SEC14L1: variants seen among roughly 807,000 people sequenced by gnomAD.
SEC14L1 encodes SEC14 like lipid binding 1, also known as SEC14-like protein 1.
SEC14L1 carries 48 observed loss-of-function variants against 85.3 expected under a neutral mutation model. The observed-to-expected ratio is 0.56, with a 90% CI of 0.45 to 0.72. SEC14L1 has a LOEUF of 0.72. Among genes scored for constraint, SEC14L1 ranks in the 30% least tolerant of loss-of-function variants. The pLI, the probability that SEC14L1 is intolerant of heterozygous loss-of-function variation, is 0.00. For synonymous variants in SEC14L1, 391 were observed against 355.5 expected (o/e 1.10, Z -1.12); for missense variants, 682 against 921.4 (o/e 0.74, Z 3.36).
intron 3 of SEC14L1, among the ~76,000 whole-genome samples, chr17:77,164,065 C>A (rs1250803075): frequency 1.3e-5 from 2 of 152,128 alleles, no homozygotes; most frequent in Admixed American, 6.5e-5. Flanking sequence ...TGTTTATTGC[C>A]CACACTTACT....
At chr17:77,106,794 G>A (rs542879030) in intron 3 of SEC14L1, among the ~76,000 whole-genome samples, 46 of 152,200 alleles carry the variant, frequency 3.0e-4, no homozygotes, top group African/African-American at 9.9e-4. Flanking sequence ...CCCTGGTGGC[G>A]CCACTGCACT....
intron 3 of SEC14L1, among the ~76,000 whole-genome samples, chr17:77,116,979 G>C (rs1258732000): frequency 6.6e-6 from 1 of 152,190 alleles, no homozygotes; most frequent in African/African-American, 2.4e-5. Flanking sequence ...TTCATTTGCT[G>C]TAATTGGCTG....
chr17:77,154,889 G>A (rs1417721086), intron 3 of SEC14L1, among the ~76,000 whole-genome samples: 1 of 152,106 alleles, frequency 6.6e-6, no homozygotes, highest in Non-Finnish European at 1.5e-5. Flanking sequence ...TAGGGGTCCG[G>A]CCTTCCCCTT....
At chr17:77,140,309 G>A (rs946969242), upstream of SEC14L1, among the ~76,000 whole-genome samples, 1 of 152,210 alleles carries the variant, frequency 6.6e-6, no homozygotes, top group African/African-American at 2.4e-5. Context: ...CACTAGAGCC[G>A]TCTGGATGTG....
chr17:77,181,743 C>T (rs935525847), intron 3 of SEC14L1, among the ~76,000 whole-genome samples: 1 of 152,170 alleles, frequency 6.6e-6, no homozygotes, highest in Non-Finnish European at 1.5e-5. Flanking sequence ...TCTTGCCTCT[C>T]TAAATAAGCC....
rs1323628351 is a variant in SEC14L1 at position 77,211,942 on chromosome 17, T to C, written c.1612-8T>C. The C allele has an allele frequency of 6.2e-7, 1 of 1,613,004 alleles. No individual in the cohort carries two copies. Among genetic ancestry groups the C allele is most frequent in the South Asian group, 1.1e-5 (1 of 91,060 alleles). On this transcript the variant is annotated splice_region_variant and splice_polypyrimidine_tract_variant and intron_variant, in intron 14 of 16. Transcript: ENST00000436233. ...GATCGTGGCTGCCTAACGCTGCCTC[T>C]TTTTCAGATTCTCATTCAGATTGTG...
At chr17:77,118,376 C>T (rs1208912452) in intron 3 of SEC14L1, among the ~76,000 whole-genome samples, 1 of 152,194 alleles carries the variant, frequency 6.6e-6, no homozygotes, top group East Asian at 1.9e-4. Flanking sequence ...TTACCACCTT[C>T]GTTCAGTAGG....
At chr17:77,108,092 A>C (rs1971958681) in intron 3 of SEC14L1, among the ~76,000 whole-genome samples, 1 of 149,924 alleles carries the variant, frequency 6.7e-6, no homozygotes. Flanking sequence ...ATGCCCCCCC[A>C]TACCATGCGC....
Position 77,203,586 on chromosome 17 carries a change from C to T in SEC14L1, c.1026C>T (p.Tyr342=), listed in dbSNP as rs140813836. The part of the protein sequence containing the change: ...HHHDKDGRPL[Y]VLRLGQMDTK... Reference sequence around the variant, plus strand: ...CCTCTGCAGATGGGCGGCCCCTCTACGTGCTCAGGCTGGGGCAGATGGACA... The same window carrying T: ...CCTCTGCAGATGGGCGGCCCCTCTATGTGCTCAGGCTGGGGCAGATGGACA... Residue 342 remains tyrosine (Y), a synonymous_variant, in exon 10 of 17, where the codon TAC becomes TAT. Coordinates refer to ENST00000436233, the MANE Select transcript of SEC14L1 (RefSeq NM_001143998.2). 792 of 1,613,614 alleles carry T rather than the reference C, an allele frequency of 4.9e-4. 1 individual carries two copies. In the African/African-American group the frequency reaches 9.1e-3, roughly 19 times the overall value.
At chr17:77,141,850 G>A (rs748132238) in intron 1 of SEC14L1, 1 of 152,170 alleles carries the variant, frequency 6.6e-6, no homozygotes, top group Non-Finnish European at 1.5e-5. Context: ...TCATATCTGG[G>A]AGAGTACCCT....
At chr17:77,140,154 G>A (rs1425578116), upstream of SEC14L1, among the ~76,000 whole-genome samples, 1 of 152,220 alleles carries the variant, frequency 6.6e-6, no homozygotes, top group Non-Finnish European at 1.5e-5. Context: ...ACCCCAAAAT[G>A]TCTCAGTGGT....
chr17:77,197,639 A>G (rs1555627320), intron 8 of SEC14L1, among the ~76,000 whole-genome samples: 2 of 151,508 alleles, frequency 1.3e-5, no homozygotes, highest in Admixed American at 6.6e-5. Flanking sequence ...TTATATATGT[A>G]TACAGAGTCT....
At position 77,143,580 on chromosome 17, in the gene SEC14L1, G is replaced by T; in HGVS notation, c.-17G>T. 6.2e-7 allele frequency: 1 copy of T among 1,609,772 alleles called. No homozygotes were observed. The highest frequency in any genetic ancestry group is 1.1e-5 in the South Asian group (1 of 90,586). On this transcript the variant is annotated 5_prime_UTR_variant, in exon 3 of 17. Transcript: ENST00000436233. ...TATGTTTTGCAGGTGTGAGAGGGTT[G>T]CTGTTGTATTGCAATCATGGTGCAG...
intron 3 of SEC14L1, among the ~76,000 whole-genome samples, chr17:77,122,306 C>CTT (rs113137425): frequency 1.5e-4 from 21 of 143,482 alleles, no homozygotes; most frequent in Admixed American, 5.5e-4. Context: ...TCTTCATCTT[C>CTT]TTTTTTTTTT....
chr17:77,188,393 C>T (rs1392739245), intron 3 of SEC14L1, among the ~76,000 whole-genome samples: 1 of 143,118 alleles, frequency 7.0e-6, no homozygotes, highest in East Asian at 2.1e-4. Context: ...GGGAATCATA[C>T]CGTATGTAAC....
intron 3 of SEC14L1, among the ~76,000 whole-genome samples, chr17:77,124,269 G>C (rs891506779): frequency 6.6e-6 from 1 of 152,174 alleles, no homozygotes; most frequent in Non-Finnish European, 1.5e-5. Context: ...GGGGCTGAGG[G>C]GGGAGGATCA....
At chr17:77,165,021 G>A (rs557909957) in intron 3 of SEC14L1, among the ~76,000 whole-genome samples, 2 of 152,236 alleles carry the variant, frequency 1.3e-5, no homozygotes, top group Non-Finnish European at 2.9e-5. Flanking sequence ...GCCAGATTGA[G>A]GGCTACCTGT....
chr17:77,179,820 G>C (rs1039334684), intron 3 of SEC14L1, among the ~76,000 whole-genome samples: 2 of 150,844 alleles, frequency 1.3e-5, no homozygotes, highest in Non-Finnish European at 3.0e-5. Context: ...GACTACAGGC[G>C]CCCGCCACCA....
At chr17:77,177,269 C>T (rs896560161) in intron 3 of SEC14L1, among the ~76,000 whole-genome samples, 2 of 151,082 alleles carry the variant, frequency 1.3e-5, no homozygotes, top group African/African-American at 2.4e-5. Flanking sequence ...ATAGAGCCCC[C>T]GGGCTGATGT....
Sources: gnomAD v4.1 joint callset for allele counts (sites outside exome capture counted in the v4.1 genomes callset) on GRCh38, gnomAD v4.1.1 for gene constraint, MANE v1.5 for transcripts, NCBI Gene and HGNC (gene_info 2026-07-23, HGNC 2026-07-21) for gene names.